MAML3: variants seen among roughly 807,000 people sequenced by gnomAD.
MAML3 encodes the protein mastermind like transcriptional coactivator 3, also known as mastermind-like protein 3.
In MAML3, 27 loss-of-function variants were observed where a neutral mutation model predicts 101.9. The ratio of observed to expected loss-of-function variants is 0.27; its 90% confidence interval spans 0.20 to 0.37. The LOEUF (loss-of-function observed/expected upper bound fraction) is 0.37. Among genes scored for constraint, MAML3 ranks in the 10% least tolerant of loss-of-function variants. The probability of loss-of-function intolerance (pLI) is 1.00; values close to 1 mark genes in which losing one functional copy is unlikely to be tolerated. For synonymous variants in MAML3, 501 were observed against 555.9 expected, an observed-to-expected ratio of 0.90 and a Z score of 1.39; for missense variants, 1,316 against 1,444.9, an observed-to-expected ratio of 0.91 and a Z score of 1.45.
At chr4:139,972,715 A>G (rs1305411296) in intron 1 of MAML3, among the ~76,000 whole-genome samples, 2 of 152,210 alleles carry the variant, frequency 1.3e-5, no homozygotes, top group African/African-American at 4.8e-5. Context: ...AAATTAGTGA[A>G]TTTTACTTTA....
chr4:139,895,670 A>G (rs1369074553), intron 1 of MAML3, among the ~76,000 whole-genome samples: 1 of 152,248 alleles, frequency 6.6e-6, no homozygotes, highest in Admixed American at 6.5e-5. Context: ...TCTGTTCTCT[A>G]GCCAGCAAAA....
At chr4:139,991,663 G>A (rs1560859624) in intron 1 of MAML3, among the ~76,000 whole-genome samples, 1 of 151,998 alleles carries the variant, frequency 6.6e-6, no homozygotes, top group Non-Finnish European at 1.5e-5. Flanking sequence ...GAAAAAAATT[G>A]TTTTACTGAG....
chr4:140,032,271 G>C (rs1726919896), intron 1 of MAML3, among the ~76,000 whole-genome samples: 3 of 152,304 alleles, frequency 2.0e-5, no homozygotes, highest in Middle Eastern at 3.4e-3. Flanking sequence ...GAGGTTAAGT[G>C]CCCTTTTATC....
intron 2 of MAML3, among the ~76,000 whole-genome samples, chr4:139,781,463 G>T (rs1196855953): frequency 6.7e-6 from 1 of 149,096 alleles, no homozygotes; most frequent in African/African-American, 2.5e-5. Context: ...TCTATTACTA[G>T]ATTGTTGTGG....
chr4:139,755,164 C>A (rs1419595242), intron 2 of MAML3, among the ~76,000 whole-genome samples: 1 of 152,220 alleles, frequency 6.6e-6, no homozygotes, highest in Non-Finnish European at 1.5e-5. Context: ...TGAATGACAG[C>A]CGGTTTGCTG....
chr4:139,801,853 G>T (rs1730616151), intron 2 of MAML3, among the ~76,000 whole-genome samples: 1 of 152,238 alleles, frequency 6.6e-6, no homozygotes, highest in African/African-American at 2.4e-5. Flanking sequence ...GTCTTGTGAA[G>T]AGTTAATTCC....
chr4:139,988,078 G>A (rs2110821135), intron 1 of MAML3, among the ~76,000 whole-genome samples: 1 of 142,618 alleles, frequency 7.0e-6, no homozygotes, highest in South Asian at 2.2e-4. Context: ...TATAATCCTA[G>A]CACTTTAGTA....
chr4:139,772,005 C>G (rs1434363214), intron 2 of MAML3, among the ~76,000 whole-genome samples: 1 of 150,544 alleles, frequency 6.6e-6, no homozygotes, highest in East Asian at 2.0e-4. Context: ...TTTGGGAGGC[C>G]GAGGTGGGCG....
chr4:139,740,487 A>G (rs925129385), intron 2 of MAML3: 1 of 152,086 alleles, frequency 6.6e-6, no homozygotes, highest in Non-Finnish European at 1.5e-5. Context: ...TCCTTGATTT[A>G]AAAATAGGGA....
chr4:140,038,961 T>C (rs1308559713), intron 1 of MAML3, among the ~76,000 whole-genome samples: 1 of 151,654 alleles, frequency 6.6e-6, no homozygotes, highest in Non-Finnish European at 1.5e-5. Flanking sequence ...CTACTAAAAA[T>C]ACAAAAAATT....
At chr4:139,858,129 T>G (rs1274062566) in intron 2 of MAML3, among the ~76,000 whole-genome samples, 1 of 152,230 alleles carries the variant, frequency 6.6e-6, no homozygotes, top group African/African-American at 2.4e-5. Flanking sequence ...TTTCAAAACC[T>G]TATGTGTAAG....
At chr4:140,038,985 A>G (rs1727033642) in intron 1 of MAML3, among the ~76,000 whole-genome samples, 1 of 152,026 alleles carries the variant, frequency 6.6e-6, no homozygotes, top group African/African-American at 2.4e-5. Flanking sequence ...CAGGTGTGGC[A>G]GCATGCGCCT....
chr4:139,976,332 C>T (rs1734339681), intron 1 of MAML3, among the ~76,000 whole-genome samples: 1 of 152,166 alleles, frequency 6.6e-6, no homozygotes, highest in Admixed American at 6.5e-5. Context: ...ATCTTTTTAA[C>T]ATCAGCCTTG....
intron 1 of MAML3, among the ~76,000 whole-genome samples, chr4:139,996,638 A>G (rs1211708229): frequency 6.6e-6 from 1 of 151,914 alleles, no homozygotes; most frequent in Non-Finnish European, 1.5e-5. Flanking sequence ...TTATACTAAT[A>G]TGTTTTGAGT....
chr4:140,007,555 A>T (rs879644721), intron 1 of MAML3, among the ~76,000 whole-genome samples: 1 of 152,220 alleles, frequency 6.6e-6, no homozygotes, highest in Non-Finnish European at 1.5e-5. Context: ...GGAAAGAGAA[A>T]CAGCAAAAAA....
At chr4:139,743,296 G>A (rs1729221628) in intron 2 of MAML3, among the ~76,000 whole-genome samples, 1 of 152,228 alleles carries the variant, frequency 6.6e-6, no homozygotes, top group Non-Finnish European at 1.5e-5. Flanking sequence ...AGGACAGGGA[G>A]ATCTAACCTG....
At chr4:139,941,539 T>G (rs78220138) in intron 1 of MAML3, among the ~76,000 whole-genome samples, 27 of 146,528 alleles carry the variant, frequency 1.8e-4, no homozygotes, top group African/African-American at 4.4e-4. Flanking sequence ...GTTGTTGTTG[T>G]TGTTGGTGGT....
In MAML3 at chr4:139,815,195, T is replaced by C. The variant is rs144904366; in HGVS notation, c.2079+74162A>G. The stretch of plus-strand genomic sequence containing the variant: ...TCTGGAACTTGGTGTCCACTTAGTA[T>C]CCATAACATGGATGGTTTGTAAATT... On this transcript the variant is annotated intron_variant, in intron 2 of 4. Coordinates refer to ENST00000509479, the MANE Select transcript of MAML3 (RefSeq NM_018717.5). Among the ~76,000 whole-genome samples the C allele has an allele frequency of 1.3e-3, 200 of 152,312 alleles. 4 individuals carry two copies. In the East Asian group the frequency reaches 0.018, roughly 14 times the overall value.
intron 2 of MAML3, among the ~76,000 whole-genome samples, chr4:139,748,985 C>T (rs1453431732): frequency 3.9e-5 from 6 of 152,152 alleles, no homozygotes; most frequent in African/African-American, 9.7e-5. Flanking sequence ...TGGCTGCACA[C>T]GTCCTTGAAG....
Sources: allele counts gnomAD v4.1 joint callset (sites outside exome capture counted in the v4.1 genomes callset), GRCh38; gene constraint gnomAD v4.1.1; transcripts MANE v1.5; gene names NCBI Gene and HGNC (gene_info 2026-07-23, HGNC 2026-07-21).